The following MYO18A variants were observed in gnomAD, a reference collection of about 807,000 sequenced individuals.
The protein encoded by MYO18A is myosin XVIIIA, also known as unconventional myosin-XVIIIa.
In MYO18A, 78 loss-of-function variants were observed where a neutral mutation model predicts 235.8. That is an observed-to-expected ratio of 0.33 (90% CI 0.28 to 0.40). The LOEUF is 0.40. Ranked by LOEUF, MYO18A falls within the 10% of genes least tolerant of loss-of-function variation. MYO18A has a pLI of 1.00. For synonymous variants in MYO18A, 977 were observed against 1,077.8 expected (o/e 0.91, Z 1.83); for missense variants, 2,215 against 2,699.3 (o/e 0.82, Z 3.98).
At chr17:29,128,191 GGGA>G in intron 2 of MYO18A, 1 of 1,155,114 alleles carries the variant, frequency 8.7e-7, no homozygotes, top group Non-Finnish European at 1.1e-6. Flanking sequence ...GCGGAGCAGG[GGGA>G]GGTGGGGGAG....
chr17:29,170,160 C>G (rs566185108), intron 1 of MYO18A, among the ~76,000 whole-genome samples: 1 of 152,332 alleles, frequency 6.6e-6, no homozygotes, highest in East Asian at 1.9e-4. Flanking sequence ...CTCCTGTGGA[C>G]ACAGGTTAAG....
chr17:29,144,131 A>G (rs748569965), intron 2 of MYO18A, among the ~76,000 whole-genome samples: 47 of 152,192 alleles, frequency 3.1e-4, no homozygotes, highest in South Asian at 6.2e-4. Flanking sequence ...GTGGTGCAAT[A>G]TCAGGGCATG....
chr17:29,140,471 T>C lies in MYO18A; in HGVS notation c.1000-18218A>G. On this transcript the variant is annotated intron_variant, in intron 2 of 41. Transcript: ENST00000527372. The surrounding 1 kb of genome is among the most constrained non-coding windows in gnomAD (Gnocchi z 4.2). ...CCCGCCCTCTCCCCGGCCCCTCCCG[T>C]CCCGAGCTGCCCAGCCCTAGTTGGA... 1.7e-6 allele frequency: 2 copies of C among 1,196,014 alleles called. No individual in the cohort carries two copies. The highest frequency in any genetic ancestry group is 2.1e-6 in the Non-Finnish European group (2 of 940,384). The allele number at this position is 1,196,014 out of a possible 1,614,324, so 74.1% of individuals were successfully genotyped here.
intron 2 of MYO18A, among the ~76,000 whole-genome samples, chr17:29,163,531 G>A (rs147240846): frequency 2.2e-4 from 33 of 152,324 alleles, no homozygotes; most frequent in African/African-American, 7.5e-4. Context: ...GCACCAGCTG[G>A]GCTTACCCCA....
At chr17:29,087,319 G>A (rs2066280622) in intron 37 of MYO18A, among the ~76,000 whole-genome samples, 198 bp from the exon 38 acceptor site, 1 of 152,158 alleles carries the variant, frequency 6.6e-6, no homozygotes, top group African/African-American at 2.4e-5. Flanking sequence ...AACCCCCAGG[G>A]GTCTTCTGAG....
chr17:29,093,489 C>T, intron 31 of MYO18A, 62 bp from the exon 32 acceptor site: 1 of 1,308,914 alleles, frequency 7.6e-7, no homozygotes, highest in Non-Finnish European at 1.1e-6. Flanking sequence ...AAGCAGGCCC[C>T]TTCCATTCTG....
chr17:29,105,208 G>A (rs2152806246), intron 20 of MYO18A, among the ~76,000 whole-genome samples: 1 of 151,282 alleles, frequency 6.6e-6, no homozygotes, highest in Non-Finnish European at 1.5e-5. Context: ...AAAAGTGCCG[G>A]TTGGCTCTGG....
Position 29,074,671 on chromosome 17 carries a change from C to A in MYO18A, c.*99G>T. On this transcript the variant is annotated 3_prime_UTR_variant, in exon 42 of 42. Coordinates refer to ENST00000527372, the MANE Select transcript of MYO18A (RefSeq NM_078471.4). The surrounding 1 kb of genome is among the most constrained non-coding windows in gnomAD (Gnocchi z 4.4). ...TCAGGGTGTTTCCCATGCAGATCAG[C>A]AGTCGGGTGGGGGAGACCGGTGCCC... 7.5e-7 allele frequency: 1 copy of A among 1,338,604 alleles called. No homozygotes were observed. 82.9% of individuals were successfully genotyped at this position (1,338,604 alleles called of 1,614,324 possible). A position where few individuals can be genotyped will look rare whatever the true frequency, so the allele number is the denominator to read the frequency against.
At position 29,073,217 on chromosome 17, in the gene MYO18A, G is replaced by C. The variant is rs761005589; in HGVS notation, c.*1553C>G. ...CCTCAACATTCCCTTGTGGAGGCTA[G>C]GGAGGATGAGGCTTGGAGTCTCTGC... On this transcript the variant is annotated 3_prime_UTR_variant, in exon 42 of 42. Transcript: ENST00000527372. The C allele has an allele frequency of 5.3e-5, 8 of 152,248 alleles. No homozygotes were observed. The highest frequency in any genetic ancestry group is 1.0e-4 in the Non-Finnish European group (7 of 68,062). 9.4% of individuals were successfully genotyped at this position (152,248 alleles called of 1,614,324 possible).
chr17:29,122,268 G>C lies in MYO18A; in HGVS notation c.1000-15C>G, dbSNP rs968362134. 1.2e-6 allele frequency: 2 copies of C among 1,604,088 alleles called. No homozygotes were observed. The highest frequency in any genetic ancestry group is 1.3e-5 in the African/African-American group (1 of 74,792). On this transcript the variant is annotated splice_polypyrimidine_tract_variant and intron_variant, in intron 2 of 41. Coordinates refer to ENST00000527372, the MANE Select transcript of MYO18A (RefSeq NM_078471.4). ...TCTGTTTTCGCCTGTCAGAGAGAGA[G>C]AAGAATAAACAGGCCCTGCTATGGA... is the stretch of plus-strand genomic sequence containing the variant.
At chr17:29,090,377 C>T (rs1055859909) in intron 36 of MYO18A, among the ~76,000 whole-genome samples, 155 bp downstream of exon 36, 2 of 152,228 alleles carry the variant, frequency 1.3e-5, no homozygotes, top group African/African-American at 4.8e-5. Flanking sequence ...GTTATGGTGA[C>T]ATGGCTCCAA....
intron 2 of MYO18A, among the ~76,000 whole-genome samples, chr17:29,163,843 G>A (rs965097821): frequency 1.4e-4 from 21 of 152,236 alleles, no homozygotes; most frequent in African/African-American, 5.1e-4. Flanking sequence ...TAAAAGCAGC[G>A]TTAGCCTGGA....
chr17:29,097,958 C>T (rs1387952215), intron 25 of MYO18A, 59 bp from the exon 26 acceptor site: 4 of 1,575,390 alleles, frequency 2.5e-6, no homozygotes, highest in African/African-American at 1.3e-5. Flanking sequence ...ACTCCCCGAA[C>T]CACACAGACC....
chr17:29,153,260 C>T (rs2067995976), intron 2 of MYO18A, among the ~76,000 whole-genome samples: 2 of 152,178 alleles, frequency 1.3e-5, no homozygotes, highest in Non-Finnish European at 2.9e-5. Flanking sequence ...ACTGGGACTA[C>T]AGGCACACAC....
chr17:29,122,152 C>G lies in MYO18A; in HGVS notation c.1087+14G>C, dbSNP rs751386525. The G allele has an allele frequency of 3.1e-6, 5 of 1,610,064 alleles. No individual in the cohort carries two copies. In the Admixed American group the frequency reaches 6.7e-5, roughly 22 times the overall value. On this transcript the variant is annotated intron_variant, in intron 3 of 41. Transcript: ENST00000527372. ...TGAGTCCTGACATGTGCCCCCAGAC[C>G]CTCTGAGACTCACCCAGTGAGAAGC...
rs2066802265 is a variant in MYO18A at position 29,106,962 on chromosome 17, G to A, written c.3441+118C>T. ...ACACAGCTGGGTGCTTCCAAAACTGGGAGCCTGAGCAGGGCCAGATGAGCT... is the reference window on the plus strand; with the variant it reads ...ACACAGCTGGGTGCTTCCAAAACTGAGAGCCTGAGCAGGGCCAGATGAGCT... On this transcript the variant is annotated intron_variant, in intron 20 of 41. Transcript: ENST00000527372. The surrounding 1 kb of genome is among the most constrained non-coding windows in gnomAD (Gnocchi z 4.6). The A allele has an allele frequency of 4.0e-6, 4 of 988,408 alleles. No homozygotes were observed. Among genetic ancestry groups the A allele is most frequent in the African/African-American group, 1.6e-5 (1 of 62,372 alleles). The allele number at this position is 988,408 out of a possible 1,614,324, so 61.2% of individuals were successfully genotyped here.
intron 2 of MYO18A, among the ~76,000 whole-genome samples, chr17:29,152,866 G>A (rs1031992434): frequency 6.6e-6 from 1 of 151,018 alleles, no homozygotes; most frequent in African/African-American, 2.4e-5. Context: ...GGACAGGCAT[G>A]CACCACCACA....
intron 1 of MYO18A, among the ~76,000 whole-genome samples, chr17:29,170,683 G>A (rs2068381130): frequency 6.6e-6 from 1 of 152,198 alleles, no homozygotes; most frequent in South Asian, 2.1e-4. Context: ...ATCTATGTAA[G>A]TTAGGGTATG....
At position 29,071,376 on chromosome 17, in the gene MYO18A, C is replaced by T. The variant is rs2065882536; in HGVS notation, c.*3394G>A. On this transcript the variant is annotated 3_prime_UTR_variant, in exon 42 of 42. Transcript: ENST00000527372. ...CAACAGCAGAGCCTTCAAGGTACAC[C>T]CAAAATAAAGATGGGCTTTGGTGGC... 1 of 152,118 alleles carries T rather than the reference C, an allele frequency of 6.6e-6. No individual in the cohort carries two copies. Among genetic ancestry groups the T allele is most frequent in the Admixed American group, 6.6e-5 (1 of 15,266 alleles). 9.4% of individuals were successfully genotyped at this position (152,118 alleles called of 1,614,324 possible).
Sources: allele counts gnomAD v4.1 joint callset (sites outside exome capture counted in the v4.1 genomes callset), GRCh38; gene constraint gnomAD v4.1.1; non-coding constraint Gnocchi (gnomAD v3.1); transcripts MANE v1.5; gene names NCBI Gene and HGNC (gene_info 2026-07-23, HGNC 2026-07-21).